The following FAR2 variants were observed in gnomAD, a reference collection of about 807,000 sequenced individuals.
FAR2 encodes the protein epididymis secretory protein Li 81.
In FAR2, 19 loss-of-function variants were observed where a neutral mutation model predicts 56.0. That is an observed-to-expected ratio of 0.34 (90% CI 0.24 to 0.50). FAR2 has a LOEUF of 0.50. FAR2 is among the 20% of genes least tolerant of loss of function. The pLI, the probability that FAR2 is intolerant of heterozygous loss-of-function variation, is 0.98. For synonymous variants in FAR2, 219 were observed against 218.8 expected (o/e 1.00, Z -0.01); for missense variants, 508 against 642.2 (o/e 0.79, Z 2.26).
chr12:29,326,179 A>T (rs1291761850), intron 10 of FAR2, among the ~76,000 whole-genome samples: 1 of 151,814 alleles, frequency 6.6e-6, no homozygotes, highest in Non-Finnish European at 1.5e-5. Flanking sequence ...CTCGACACAT[A>T]CACCCTCCCA....
chr12:29,221,223 A>G (rs534792289), intron 1 of FAR2, among the ~76,000 whole-genome samples: 2 of 152,198 alleles, frequency 1.3e-5, no homozygotes, highest in South Asian at 4.1e-4. Flanking sequence ...GAAGCTAATC[A>G]CCAGTTTCAG....
At chr12:29,173,720 AAAACC>A (rs1949909589) in intron 1 of FAR2, among the ~76,000 whole-genome samples, 1 of 152,120 alleles carries the variant, frequency 6.6e-6, no homozygotes, top group African/African-American at 2.4e-5. Flanking sequence ...CCTGAAAGAC[AAAACC>A]GTCCGCAGTT....
At chr12:29,325,780 TG>T (rs1454651224) in intron 10 of FAR2, among the ~76,000 whole-genome samples, 1 of 152,066 alleles carries the variant, frequency 6.6e-6, no homozygotes, top group Admixed American at 6.6e-5. Flanking sequence ...TAGCACTAAA[TG>T]CCCACAAGAG....
chr12:29,330,854 G>T (rs1383442375), intron 10 of FAR2, among the ~76,000 whole-genome samples: 1 of 151,938 alleles, frequency 6.6e-6, no homozygotes, highest in Non-Finnish European at 1.5e-5. Flanking sequence ...AAGACTGATT[G>T]TCTGAAAAAA....
At chr12:29,186,557 T>A (rs1334046149) in intron 1 of FAR2, among the ~76,000 whole-genome samples, 1 of 152,198 alleles carries the variant, frequency 6.6e-6, no homozygotes, top group Non-Finnish European at 1.5e-5. Flanking sequence ...GATTTCTGGA[T>A]GAGTCACTTG....
chr12:29,323,312 C>A (rs1949583881), intron 10 of FAR2, among the ~76,000 whole-genome samples: 1 of 152,240 alleles, frequency 6.6e-6, no homozygotes, highest in Non-Finnish European at 1.5e-5. Context: ...GTAGGCTCCA[C>A]CTCTGGGGGC....
rs1034355731 is a variant in FAR2 at position 29,293,212 on chromosome 12, G to A, written c.190-88G>A. On this transcript the variant is annotated intron_variant, in intron 2 of 11. Coordinates refer to ENST00000536681, the MANE Select transcript of FAR2 (RefSeq NM_001271783.2). ...GTTATTACAACTAAAACCAGTTTTT[G>A]AGTATAATTAAGCAGGTTGTTATAA... The A allele has an allele frequency of 2.7e-6, 3 of 1,127,524 alleles. No homozygotes were observed. The African/African-American group carries it at 4.9e-5, about 18-fold the overall frequency. The allele number at this position is 1,127,524 out of a possible 1,614,324, so 69.8% of individuals were successfully genotyped here.
At chr12:29,189,250 G>A (rs1950077631) in intron 1 of FAR2, among the ~76,000 whole-genome samples, 1 of 152,094 alleles carries the variant, frequency 6.6e-6, no homozygotes, top group Non-Finnish European at 1.5e-5. Context: ...ATTTATATCA[G>A]TACAAACTCA....
intron 1 of FAR2, among the ~76,000 whole-genome samples, chr12:29,229,666 T>C (rs1947824235): frequency 6.6e-6 from 1 of 152,318 alleles, no homozygotes; most frequent in African/African-American, 2.4e-5. Context: ...CAAAAGCAGA[T>C]AGATGAATTA....
At chr12:29,253,925 ATTCTT>A (rs1224804910) in intron 1 of FAR2, among the ~76,000 whole-genome samples, 2 of 152,194 alleles carry the variant, frequency 1.3e-5, no homozygotes, top group Non-Finnish European at 2.9e-5. Context: ...TTTAGGTTAT[ATTCTT>A]TTCTTCTTCA....
chr12:29,323,333 C>T (rs1213972840), intron 10 of FAR2, among the ~76,000 whole-genome samples: 1 of 152,246 alleles, frequency 6.6e-6, no homozygotes, highest in East Asian at 1.9e-4. Context: ...AGGGCACAGA[C>T]AAACAAAAGA....
chr12:29,238,346 G>T (rs565348507), intron 1 of FAR2, among the ~76,000 whole-genome samples: 1 of 151,912 alleles, frequency 6.6e-6, no homozygotes, highest in South Asian at 2.1e-4. Context: ...AAAGATATTT[G>T]CAAAAATATA....
chr12:29,271,531 CA>C (rs1279037763), intron 2 of FAR2, among the ~76,000 whole-genome samples: 1 of 152,160 alleles, frequency 6.6e-6, no homozygotes, highest in Non-Finnish European at 1.5e-5. Context: ...CCTTTTTTTA[CA>C]ATCTCCTTTC....
At chr12:29,264,555 G>A (rs368879463) in intron 1 of FAR2, among the ~76,000 whole-genome samples, 1 of 151,700 alleles carries the variant, frequency 6.6e-6, no homozygotes, top group Non-Finnish European at 1.5e-5. Flanking sequence ...TGGGAGCATT[G>A]CTTGACCTCA....
intron 1 of FAR2, among the ~76,000 whole-genome samples, chr12:29,197,953 T>A (rs551956068): frequency 1.3e-5 from 2 of 152,308 alleles, no homozygotes; most frequent in South Asian, 4.1e-4. Flanking sequence ...GAGCAAATGA[T>A]CAACATAGCT....
chr12:29,270,918 G>C (rs905063805), intron 2 of FAR2, among the ~76,000 whole-genome samples: 1 of 152,184 alleles, frequency 6.6e-6, no homozygotes, highest in Non-Finnish European at 1.5e-5. Context: ...GGATGCTTCA[G>C]CCTTAATATC....
intron 1 of FAR2, among the ~76,000 whole-genome samples, chr12:29,268,460 A>G (rs1591911450): frequency 1.3e-5 from 2 of 152,284 alleles, no homozygotes; most frequent in Middle Eastern, 6.8e-3. Context: ...CTGCTACCAG[A>G]TTCATTTTTT....
chr12:29,241,744 C>T (rs879440681), intron 1 of FAR2, among the ~76,000 whole-genome samples: 1 of 152,190 alleles, frequency 6.6e-6, no homozygotes, highest in South Asian at 2.1e-4. Context: ...TCTCCTGTTT[C>T]CTGTTGCCTA....
At chr12:29,267,331 A>G (rs1164447678) in intron 1 of FAR2, among the ~76,000 whole-genome samples, 1 of 152,226 alleles carries the variant, frequency 6.6e-6, no homozygotes, top group Non-Finnish European at 1.5e-5. Context: ...TAGGCAATGT[A>G]TATTGCTAAG....
Sources: gnomAD v4.1 joint callset for allele counts (sites outside exome capture counted in the v4.1 genomes callset) on GRCh38, gnomAD v4.1.1 for gene constraint, MANE v1.5 for transcripts, NCBI Gene and HGNC (gene_info 2026-07-23, HGNC 2026-07-21) for gene names.